TMEM181: variants seen among roughly 807,000 people sequenced by gnomAD.
The protein encoded by TMEM181 is G protein-coupled receptor 178.
Under a neutral mutation model 71.9 loss-of-function variants are expected in TMEM181, and 39 were observed. The observed-to-expected ratio is 0.54, with a 90% CI of 0.42 to 0.71. TMEM181 has a LOEUF of 0.71. TMEM181 is among the 30% of genes least tolerant of loss of function. The pLI is 0.00. For missense variants in TMEM181, 595 were observed against 583.0 expected (o/e 1.02, Z -0.21); for synonymous variants, 245 against 228.8 (o/e 1.07, Z -0.64).
At chr6:158,544,612 G>A (rs114845116) in intron 1 of TMEM181, among the ~76,000 whole-genome samples, 3,038 of 152,208 alleles carry the variant, frequency 0.02, 91 homozygotes, top group African/African-American at 0.068. Flanking sequence ...CATGAGCCTC[G>A]GGGCAAACCC....
upstream of TMEM181, among the ~76,000 whole-genome samples, chr6:158,558,816 A>C (rs1225245633): frequency 1.3e-5 from 2 of 152,128 alleles, no homozygotes; most frequent in African/African-American, 4.8e-5. Context: ...GTAATTTAAC[A>C]GGCTCCGGGG....
At chr6:158,551,836 T>C (rs566663842) in intron 1 of TMEM181, among the ~76,000 whole-genome samples, 29 of 152,308 alleles carry the variant, frequency 1.9e-4, no homozygotes, top group Middle Eastern at 3.4e-3. Context: ...CCTGACAAAG[T>C]TTCCTATGGA....
rs137955430 is a variant in TMEM181 at position 158,610,859 on chromosome 6, A to G, written c.896+2109A>G. 2,413 of 340,774 alleles carry G rather than the reference A, an allele frequency of 7.1e-3. 19 individuals carry two copies. Among genetic ancestry groups the G allele is most frequent in the Non-Finnish European group, 0.011 (1,929 of 176,134 alleles). The allele number at this position is 340,774 out of a possible 1,614,324, so 21.1% of individuals were successfully genotyped here. On this transcript the variant is annotated intron_variant, in intron 10 of 16. Transcript: ENST00000684151. ...ACATACTCACACCAAGGACTACTGT[A>G]AAAATGAGGCAGGTACATGACATAG...
intron 14 of TMEM181, among the ~76,000 whole-genome samples, chr6:158,629,295 GT>G (rs910184956): frequency 2.6e-5 from 4 of 152,148 alleles, no homozygotes; most frequent in African/African-American, 9.7e-5. Context: ...TTTCATAGGG[GT>G]CTGTAATCCA....
intron 3 of TMEM181, among the ~76,000 whole-genome samples, chr6:158,581,917 C>G (rs190114533): frequency 6.6e-6 from 1 of 152,210 alleles, no homozygotes; most frequent in East Asian, 1.9e-4. Context: ...TACCTATAAA[C>G]TGAACACAGT....
intron 10 of TMEM181, among the ~76,000 whole-genome samples, chr6:158,622,044 G>A (rs897237036): frequency 2.6e-5 from 4 of 152,052 alleles, no homozygotes; most frequent in Non-Finnish European, 5.9e-5. Flanking sequence ...CCTGGCTGCC[G>A]AGGCCCAGAC....
At chr6:158,581,903 A>C (rs1309396322) in intron 3 of TMEM181, among the ~76,000 whole-genome samples, 1 of 152,112 alleles carries the variant, frequency 6.6e-6, no homozygotes, top group African/African-American at 2.4e-5. Context: ...GTGAAACATA[A>C]CTTTACCTAT....
Position 158,536,863 on chromosome 6 carries a change from C to G in TMEM181, c.129C>G (p.Tyr43Ter). The change falls in exon 1 of 17, where the codon TAC becomes TAG. Residue 43 changes from tyrosine to a stop codon, truncating the protein, a stop_gained and splice_region_variant. Coordinates refer to the TMEM181 transcript ENST00000367090. LOFTEE classifies it high-confidence loss of function. ...CGCCCTTCAAGGATGACCGCTACTA[C>G]AGGTGGGCGCGGCGCGGGCAGCGGC... is the stretch of plus-strand genomic sequence containing the variant. 1.5e-6 allele frequency: 2 copies of G among 1,376,710 alleles called. No homozygotes were observed. Among genetic ancestry groups the G allele is most frequent in the Non-Finnish European group, 1.9e-6 (2 of 1,059,030 alleles). 85.3% of individuals were successfully genotyped at this position (1,376,710 alleles called of 1,614,324 possible). A position where few individuals can be genotyped will look rare whatever the true frequency, so the allele number is the denominator to read the frequency against.
chr6:158,612,673 T>G (rs1020903224), intron 10 of TMEM181, among the ~76,000 whole-genome samples: 3 of 152,204 alleles, frequency 2.0e-5, no homozygotes. Flanking sequence ...ACCTGATTGG[T>G]TGAGATAGAA....
chr6:158,609,233 A>G (rs1255206974), intron 10 of TMEM181, among the ~76,000 whole-genome samples: 6 of 152,008 alleles, frequency 3.9e-5, no homozygotes, highest in Non-Finnish European at 8.8e-5. Flanking sequence ...TTGTTCCCAG[A>G]CCCCCATTAA....
At position 158,632,150 on chromosome 6, in the gene TMEM181, G is replaced by A. The variant is rs961400797; in HGVS notation, c.*262G>A. The A allele has an allele frequency of 2.4e-5, 11 of 460,834 alleles. No individual in the cohort carries two copies. The highest frequency in any genetic ancestry group is 3.6e-5 in the Admixed American group (1 of 27,992). 28.5% of individuals were successfully genotyped at this position (460,834 alleles called of 1,614,324 possible). On this transcript the variant is annotated 3_prime_UTR_variant, in exon 17 of 17. Coordinates refer to ENST00000684151, the MANE Select transcript of TMEM181 (RefSeq NM_001376852.1). The stretch of plus-strand genomic sequence containing the variant: ...TTTTTTACAGAGATTTCAGATGAGC[G>A]TGTTTTCAGTGATGAGGAAATTTCA...
intron 1 of TMEM181, among the ~76,000 whole-genome samples, chr6:158,564,224 A>G (rs532605907): frequency 6.6e-6 from 1 of 152,320 alleles, no homozygotes; most frequent in African/African-American, 2.4e-5. Context: ...GATTTTAGTG[A>G]GGGGCCAAAC....
At chr6:158,603,588 G>GTTT (rs35319740) in intron 6 of TMEM181, among the ~76,000 whole-genome samples, 10 of 136,056 alleles carry the variant, frequency 7.3e-5, no homozygotes, top group African/African-American at 2.4e-4. Context: ...TTTTTTTCAG[G>GTTT]TTTTTTTTTT....
intron 13 of TMEM181, among the ~76,000 whole-genome samples, chr6:158,626,897 TTCAC>T (rs1441864421): frequency 8.4e-6 from 1 of 118,378 alleles, no homozygotes; most frequent in African/African-American, 3.3e-5. Context: ...CCCCCACACC[TTCAC>T]TCACACACCC....
chr6:158,627,248 C>T (rs989001870), intron 13 of TMEM181, among the ~76,000 whole-genome samples: 2 of 152,196 alleles, frequency 1.3e-5, no homozygotes. Flanking sequence ...AAGTTGGGAG[C>T]TACTGTCTAC....
intron 1 of TMEM181, among the ~76,000 whole-genome samples, chr6:158,570,547 A>G (rs1442913667): frequency 2.0e-5 from 3 of 151,392 alleles, no homozygotes; most frequent in African/African-American, 7.3e-5. Flanking sequence ...GGCCCCGTAC[A>G]CTCTTCTTCA....
At chr6:158,621,828 C>T (rs1302643687) in intron 10 of TMEM181, among the ~76,000 whole-genome samples, 2 of 152,222 alleles carry the variant, frequency 1.3e-5, no homozygotes, top group Admixed American at 1.3e-4. Flanking sequence ...CTAACTGCTT[C>T]AGGGGCTACA....
At chr6:158,596,268 G>A (rs1018752884) in intron 6 of TMEM181, among the ~76,000 whole-genome samples, 16 of 152,282 alleles carry the variant, frequency 1.1e-4, no homozygotes, top group South Asian at 4.1e-4. Context: ...GGAACTTAAC[G>A]GTATACAGTG....
intron 3 of TMEM181, 103 bp downstream of exon 3, chr6:158,581,098 C>T: frequency 8.9e-7 from 1 of 1,120,918 alleles, no homozygotes; most frequent in Non-Finnish European, 1.3e-6. Context: ...CCTTCCCTTG[C>T]CTTGCGGCTT....
Sources: gnomAD v4.1 joint callset for allele counts (sites outside exome capture counted in the v4.1 genomes callset) on GRCh38, gnomAD v4.1.1 for gene constraint, MANE v1.5 for transcripts, NCBI Gene and HGNC (gene_info 2026-07-23, HGNC 2026-07-21) for gene names.